The following AMZ2 variants were observed in gnomAD, a reference collection of about 807,000 sequenced individuals.
The protein encoded by AMZ2 is archaelysin family metallopeptidase 2.
A neutral mutation model predicts 36.7 loss-of-function variants in AMZ2; 26 were observed. The ratio of observed to expected loss-of-function variants is 0.71; its 90% confidence interval spans 0.52 to 0.98. AMZ2 has a LOEUF of 0.98. Among genes scored for constraint, AMZ2 ranks in the 50% least tolerant of loss-of-function variants. The pLI, the probability that AMZ2 is intolerant of heterozygous loss-of-function variation, is 0.00. For synonymous variants in AMZ2, 144 were observed against 149.1 expected (o/e 0.97, Z 0.25); for missense variants, 394 against 430.5 (o/e 0.92, Z 0.75).
chr17:68,245,306 C>G (rs1236304893), upstream of AMZ2, among the ~76,000 whole-genome samples: 1 of 151,970 alleles, frequency 6.6e-6, no homozygotes, highest in Non-Finnish European at 1.5e-5. Flanking sequence ...CTGTGAATCA[C>G]AGCTGACTGC....
chr17:68,216,299 G>C (rs1430908443), intron 1 of AMZ2, among the ~76,000 whole-genome samples: 1 of 152,040 alleles, frequency 6.6e-6, no homozygotes, highest in Admixed American at 6.6e-5. Context: ...ACGCCCAGCT[G>C]ATTTTTTTAT....
upstream of AMZ2, among the ~76,000 whole-genome samples, chr17:68,246,013 G>A (rs1555735211): frequency 6.6e-6 from 1 of 151,964 alleles, no homozygotes; most frequent in African/African-American, 2.4e-5. Flanking sequence ...ATTCTGTTAA[G>A]ATGTGCTGTA....
At chr17:68,215,485 C>T (rs1372215892) in intron 1 of AMZ2, among the ~76,000 whole-genome samples, 1 of 136,862 alleles carries the variant, frequency 7.3e-6, no homozygotes, top group Non-Finnish European at 1.6e-5. Context: ...ACCTAGGAGG[C>T]GGAGGTTGCA....
At chr17:68,256,475 G>T (rs1315988954) in intron 6 of AMZ2, among the ~76,000 whole-genome samples, 1 of 152,178 alleles carries the variant, frequency 6.6e-6, no homozygotes, top group African/African-American at 2.4e-5. Context: ...ATGTATATAC[G>T]TACATGTCAA....
At chr17:68,253,092 A>G (rs1485602142) in intron 4 of AMZ2, among the ~76,000 whole-genome samples, 1 of 152,224 alleles carries the variant, frequency 6.6e-6, no homozygotes, top group South Asian at 2.1e-4. Flanking sequence ...GACTACGAAA[A>G]AAATAGTCTA....
At chr17:68,227,947 A>G (rs1182061775) in intron 1 of AMZ2, among the ~76,000 whole-genome samples, 2 of 152,138 alleles carry the variant, frequency 1.3e-5, no homozygotes, top group Admixed American at 1.3e-4. Flanking sequence ...CCTTGTATTC[A>G]CAGGTTCTGG....
At chr17:68,251,712 G>A (rs1219948408) in intron 4 of AMZ2, among the ~76,000 whole-genome samples, 2 of 152,026 alleles carry the variant, frequency 1.3e-5, no homozygotes, top group Non-Finnish European at 2.9e-5. Flanking sequence ...TAGGCATACA[G>A]CATAACAGCT....
chr17:68,223,274 T>C (rs2082771436), intron 1 of AMZ2, among the ~76,000 whole-genome samples: 1 of 151,906 alleles, frequency 6.6e-6, no homozygotes, highest in Non-Finnish European at 1.5e-5. Flanking sequence ...TGGGCTTGAG[T>C]AGAGTCCACA....
At chr17:68,252,244 T>C (rs1251723234) in intron 4 of AMZ2, among the ~76,000 whole-genome samples, 1 of 152,182 alleles carries the variant, frequency 6.6e-6, no homozygotes, top group Non-Finnish European at 1.5e-5. Context: ...TGTGGGGTGG[T>C]AAGCTTTTTG....
At chr17:68,208,160 G>A (rs1213763594) in intron 1 of AMZ2, among the ~76,000 whole-genome samples, 14 of 152,294 alleles carry the variant, frequency 9.2e-5, no homozygotes, top group Non-Finnish European at 1.3e-4. Context: ...GCCCCACGGC[G>A]CCCAGTCCCA....
Position 68,248,510 on chromosome 17 carries a change from T to G in AMZ2, c.-196T>G. Reference sequence around the variant, plus strand: ...CTCCAGCCCACTGCAGTGACCGAATTCTGCGCCCCCTGCCCATCTTCTCCC... The same window carrying G: ...CTCCAGCCCACTGCAGTGACCGAATGCTGCGCCCCCTGCCCATCTTCTCCC... On this transcript the variant is annotated 5_prime_UTR_variant, in exon 1 of 7. It adds an upstream start codon to the 5' untranslated region. Transcript: ENST00000359904. 1 of 986,100 alleles carries G rather than the reference T, an allele frequency of 1.0e-6. No individual in the cohort carries two copies. Among genetic ancestry groups the G allele is most frequent in the Non-Finnish European group, 1.2e-6 (1 of 830,058 alleles). 61.1% of individuals were successfully genotyped at this position (986,100 alleles called of 1,614,324 possible). A position where few individuals can be genotyped will look rare whatever the true frequency, so the allele number is the denominator to read the frequency against.
intron 1 of AMZ2, among the ~76,000 whole-genome samples, chr17:68,228,981 C>T (rs782234416): frequency 3.9e-5 from 6 of 152,252 alleles, no homozygotes; most frequent in African/African-American, 9.6e-5. Flanking sequence ...TCTGCATGCA[C>T]GCCCTTCTGC....
At chr17:68,207,879 G>C (rs12938327) in intron 1 of AMZ2, among the ~76,000 whole-genome samples, 18,991 of 152,080 alleles carry the variant, frequency 0.12, 1,333 homozygotes, top group Non-Finnish European at 0.16. Context: ...GGCGGGAACC[G>C]GGGCTGCGAG....
At chr17:68,222,701 C>CGCAGTTCA (rs1197752624) in intron 1 of AMZ2, among the ~76,000 whole-genome samples, 1 of 152,062 alleles carries the variant, frequency 6.6e-6, no homozygotes, top group African/African-American at 2.4e-5. Flanking sequence ...CCCTCAAATG[C>CGCAGTTCA]GCAGTTCACA....
chr17:68,242,609 C>T (rs549595868), intron 1 of AMZ2, among the ~76,000 whole-genome samples: 101 of 152,232 alleles, frequency 6.6e-4, no homozygotes, highest in Middle Eastern at 3.4e-3. Context: ...GATGGGGTTT[C>T]ACCTTGTTGG....
At chr17:68,247,792 C>A, upstream of AMZ2, 1 of 985,576 alleles carries the variant, frequency 1.0e-6, no homozygotes, top group Non-Finnish European at 1.2e-6. Context: ...GCGGAGCCGC[C>A]GCGAGCGCAA....
At chr17:68,216,288 C>T (rs2073191461) in intron 1 of AMZ2, among the ~76,000 whole-genome samples, 1 of 152,094 alleles carries the variant, frequency 6.6e-6, no homozygotes, top group Admixed American at 6.6e-5. Flanking sequence ...CATGTGCCAC[C>T]ACGCCCAGCT....
chr17:68,206,247 C>A, intron 1 of AMZ2: 8 of 1,300,334 alleles, frequency 6.2e-6, no homozygotes, highest in African/African-American at 1.5e-5. Flanking sequence ...AGGTACCCAC[C>A]CAGCCCAGTT....
intron 1 of AMZ2, among the ~76,000 whole-genome samples, chr17:68,211,610 G>C (rs1457833927): frequency 1.3e-5 from 2 of 150,606 alleles, no homozygotes; most frequent in Non-Finnish European, 3.0e-5. Flanking sequence ...ATTTAAAAGG[G>C]TGAATTTATG....
Sources: gnomAD v4.1 joint callset for allele counts (sites outside exome capture counted in the v4.1 genomes callset) on GRCh38, gnomAD v4.1.1 for gene constraint, MANE v1.5 for transcripts, NCBI Gene and HGNC (gene_info 2026-07-23, HGNC 2026-07-21) for gene names.